The following UBE2E3 variants were observed in gnomAD, a reference collection of about 807,000 sequenced individuals.
UBE2E3 encodes ubiquitin conjugating enzyme E2 E3.
Under a neutral mutation model 23.6 loss-of-function variants are expected in UBE2E3, and 5 were observed. That is an observed-to-expected ratio of 0.21 (90% CI 0.11 to 0.44). UBE2E3 has a LOEUF of 0.44. UBE2E3 is among the 20% of genes least tolerant of loss of function. The pLI is 0.99. For missense variants in UBE2E3, 81 were observed against 249.8 expected (o/e 0.32, Z 4.55); for synonymous variants, 78 against 87.5 (o/e 0.89, Z 0.60).
At position 180,980,608 on chromosome 2, in the gene UBE2E3, A is replaced by G. The variant is rs1684238357; in HGVS notation, c.-391A>G. The G allele has an allele frequency of 1.4e-5, 2 of 147,624 alleles. No individual in the cohort carries two copies. The highest frequency in any genetic ancestry group is 4.3e-4 in the South Asian group (2 of 4,702). 9.1% of individuals were successfully genotyped at this position (147,624 alleles called of 1,614,324 possible). A position where few individuals can be genotyped will look rare whatever the true frequency, so the allele number is the denominator to read the frequency against. Reference sequence around the variant, plus strand: ...CCCTCCCCCCCGCGCTCGCCTCGGAACTTGCTGACTGCGCGGCCGGGAGGA... The same window carrying G: ...CCCTCCCCCCCGCGCTCGCCTCGGAGCTTGCTGACTGCGCGGCCGGGAGGA... On this transcript the variant is annotated 5_prime_UTR_variant, in exon 1 of 6. Transcript: ENST00000410062. This position sits in a 1 kb window ranked among gnomAD's most constrained non-coding sequence, Gnocchi z 5.5.
At chr2:181,024,159 G>A (rs1354605727) in intron 3 of UBE2E3, among the ~76,000 whole-genome samples, 2 of 152,048 alleles carry the variant, frequency 1.3e-5, no homozygotes, top group East Asian at 1.9e-4. Context: ...TCAGCATTGA[G>A]TCCCCAAAGG....
chr2:181,009,967 G>A (rs1685270420), intron 3 of UBE2E3, among the ~76,000 whole-genome samples: 1 of 151,882 alleles, frequency 6.6e-6, no homozygotes, highest in East Asian at 1.9e-4. Flanking sequence ...CTTCTCAAGT[G>A]TATTTGTATT....
chr2:181,058,839 AC>A (rs1413279298), intron 4 of UBE2E3, among the ~76,000 whole-genome samples: 2 of 151,858 alleles, frequency 1.3e-5, no homozygotes, highest in Admixed American at 6.6e-5. Context: ...TTTACCCCAA[AC>A]CGCAGACACC....
intron 3 of UBE2E3, among the ~76,000 whole-genome samples, chr2:180,993,785 G>A (rs1439528982): frequency 2.0e-5 from 3 of 152,072 alleles, no homozygotes; most frequent in Non-Finnish European, 4.4e-5. Flanking sequence ...AGAAGATTGT[G>A]GCTACATATT....
chr2:181,054,988 C>T (rs368302430), intron 3 of UBE2E3, among the ~76,000 whole-genome samples: 2 of 151,810 alleles, frequency 1.3e-5, no homozygotes, highest in South Asian at 4.1e-4. Context: ...ATGTGATTGG[C>T]TGTGTCAAAT....
intron 4 of UBE2E3, 123 bp downstream of exon 4, chr2:181,057,948 GA>G (rs1687031990): frequency 2.9e-6 from 3 of 1,032,574 alleles, no homozygotes; most frequent in Non-Finnish European, 4.1e-6. Flanking sequence ...GATTGATATG[GA>G]AATTTTCGCA....
At chr2:181,028,351 G>T (rs897645398) in intron 3 of UBE2E3, among the ~76,000 whole-genome samples, 2 of 151,982 alleles carry the variant, frequency 1.3e-5, no homozygotes, top group African/African-American at 4.8e-5. Context: ...TTGTCACTAT[G>T]AACAATCGTA....
intron 3 of UBE2E3, among the ~76,000 whole-genome samples, chr2:181,018,741 AT>A (rs979515162): frequency 6.6e-6 from 1 of 151,950 alleles, no homozygotes; most frequent in African/African-American, 2.4e-5. Flanking sequence ...AGTTGGTAAC[AT>A]CTTAACAAAT....
At chr2:181,056,742 A>G (rs1406304680) in intron 3 of UBE2E3, among the ~76,000 whole-genome samples, 1 of 151,826 alleles carries the variant, frequency 6.6e-6, no homozygotes, top group Non-Finnish European at 1.5e-5. Context: ...AGAAATTTTG[A>G]TAAGAAGCAG....
At chr2:180,993,743 A>G (rs1288043853) in intron 3 of UBE2E3, among the ~76,000 whole-genome samples, 1 of 152,176 alleles carries the variant, frequency 6.6e-6, no homozygotes, top group African/African-American at 2.4e-5. Flanking sequence ...TCAAGAATCC[A>G]TTTATTCAGG....
chr2:180,996,384 A>G lies in UBE2E3; in HGVS notation c.245+12291A>G, dbSNP rs368612608. Among the ~76,000 whole-genome samples the G allele has an allele frequency of 7.2e-5, 11 of 152,272 alleles. 1 individual carries two copies. Among genetic ancestry groups the G allele is most frequent in the African/African-American group, 2.4e-4 (10 of 41,564 alleles). ...ACTATAGGTCTGCTTTAAGTTTTGA[A>G]TTAAACTGAGGGGGTAGTTTAAGGT... On this transcript the variant is annotated intron_variant, in intron 3 of 5. Transcript: ENST00000410062.
Position 180,980,614 on chromosome 2 carries a change from T to C in UBE2E3, c.-385T>C, listed in dbSNP as rs1684238698. ...CCCCCGCGCTCGCCTCGGAACTTGC[T>C]GACTGCGCGGCCGGGAGGAGCCGAG... On this transcript the variant is annotated 5_prime_UTR_variant, in exon 1 of 6. Transcript: ENST00000410062. This position sits in a 1 kb window ranked among gnomAD's most constrained non-coding sequence, Gnocchi z 5.5. 1 of 147,500 alleles carries C rather than the reference T, an allele frequency of 6.8e-6. No homozygotes were observed. Among genetic ancestry groups the C allele is most frequent in the Non-Finnish European group, 1.5e-5 (1 of 66,220 alleles). 9.1% of individuals were successfully genotyped at this position (147,500 alleles called of 1,614,324 possible).
intron 3 of UBE2E3, among the ~76,000 whole-genome samples, chr2:181,013,963 A>T (rs188795131): frequency 2.0e-5 from 3 of 152,322 alleles, no homozygotes; most frequent in Admixed American, 2.0e-4. Flanking sequence ...AAGATCAGTA[A>T]CATGCTTCTA....
chr2:181,002,841 T>C (rs1037906758), intron 3 of UBE2E3, among the ~76,000 whole-genome samples: 1 of 152,210 alleles, frequency 6.6e-6, no homozygotes, highest in African/African-American at 2.4e-5. Context: ...TACCTCTTTT[T>C]ATTGTGCATA....
chr2:181,025,876 CT>C (rs1340840305), intron 3 of UBE2E3, among the ~76,000 whole-genome samples: 1 of 151,860 alleles, frequency 6.6e-6, no homozygotes. Flanking sequence ...GATAGCTCTA[CT>C]TTATATGGAA....
chr2:181,011,975 G>T (rs1414364616), intron 3 of UBE2E3, among the ~76,000 whole-genome samples: 1 of 152,074 alleles, frequency 6.6e-6, no homozygotes, highest in Non-Finnish European at 1.5e-5. Flanking sequence ...ATATTTTCCT[G>T]TCACTTTAGT....
At chr2:180,987,159 A>G (rs1684500163) in intron 3 of UBE2E3, among the ~76,000 whole-genome samples, 8 of 152,128 alleles carry the variant, frequency 5.3e-5, no homozygotes. Flanking sequence ...ACATAGGGAT[A>G]TGTTTATTTA....
At chr2:180,984,265 A>T (rs920665158) in intron 3 of UBE2E3, among the ~76,000 whole-genome samples, 172 bp downstream of exon 3, 1 of 152,232 alleles carries the variant, frequency 6.6e-6, no homozygotes, top group African/African-American at 2.4e-5. Flanking sequence ...GGGAGAAAAA[A>T]TACTTTTTAG....
At chr2:181,054,183 T>G (rs1371387880) in intron 3 of UBE2E3, among the ~76,000 whole-genome samples, 1 of 151,860 alleles carries the variant, frequency 6.6e-6, no homozygotes, top group Admixed American at 6.6e-5. Flanking sequence ...TGTGTGGACA[T>G]AAGTTTTCAG....
Sources: gnomAD v4.1 joint callset for allele counts (sites outside exome capture counted in the v4.1 genomes callset) on GRCh38, gnomAD v4.1.1 for gene constraint, Gnocchi (gnomAD v3.1) non-coding constraint, MANE v1.5 for transcripts, NCBI Gene and HGNC (gene_info 2026-07-23, HGNC 2026-07-21) for gene names.